CACNG5: variants seen among roughly 807,000 people sequenced by gnomAD.
CACNG5 encodes calcium voltage-gated channel auxiliary subunit gamma 5.
Under a neutral mutation model 24.8 loss-of-function variants are expected in CACNG5, and 18 were observed. The observed-to-expected ratio is 0.73, with a 90% CI of 0.50 to 1.08. CACNG5 has a LOEUF of 1.08. Among genes scored for constraint, CACNG5 ranks in the 50% least tolerant of loss-of-function variants. CACNG5 has a pLI of 0.00. For synonymous variants in CACNG5, 157 were observed against 149.1 expected, an observed-to-expected ratio of 1.05 and a Z score of -0.39; for missense variants, 349 against 367.9, an observed-to-expected ratio of 0.95 and a Z score of 0.42.
rs368984523 is a variant in CACNG5 at position 66,853,712 on chromosome 17, T to A, written c.-104+18462T>A. 1.6e-3 allele frequency among the ~76,000 whole-genome samples: 239 copies of A among 152,286 alleles called. 1 individual carries two copies. Among genetic ancestry groups the A allele is most frequent in the African/African-American group, 5.5e-3 (228 of 41,564 alleles). ...AATTGAAATAAGCACATTATTTCAA[T>A]AAATGCAGAAAAACATATGGTAAAA... On this transcript the variant is annotated intron_variant, in intron 1 of 5. Coordinates refer to ENST00000533854, the MANE Select transcript of CACNG5 (RefSeq NM_145811.3).
At chr17:66,837,485 ATCT>A (rs1344152859) in intron 1 of CACNG5, among the ~76,000 whole-genome samples, 2 of 152,180 alleles carry the variant, frequency 1.3e-5, no homozygotes, top group Non-Finnish European at 2.9e-5. Flanking sequence ...CTGCTCTGTC[ATCT>A]TCTTCTGAGT....
chr17:66,837,329 A>G (rs1042789463), intron 1 of CACNG5, among the ~76,000 whole-genome samples: 4 of 152,280 alleles, frequency 2.6e-5, no homozygotes, highest in Non-Finnish European at 4.4e-5. Flanking sequence ...ATTCCCAAAA[A>G]GTGAGGATGG....
chr17:66,855,793 G>A (rs760546853), intron 1 of CACNG5, among the ~76,000 whole-genome samples: 11 of 152,100 alleles, frequency 7.2e-5, no homozygotes, highest in African/African-American at 9.7e-5. Context: ...CACCGCACCC[G>A]GCCATGCATA....
In CACNG5 at chr17:66,872,242, A is replaced by G. The variant is rs148852944; in HGVS notation, c.-103-4988A>G. The stretch of plus-strand genomic sequence containing the variant: ...TTGCATTCAACTTCATTAATTTACT[A>G]TTATAGTGTAAACATTTTATCTTGT... On this transcript the variant is annotated intron_variant, in intron 1 of 5. Coordinates refer to ENST00000533854, the MANE Select transcript of CACNG5 (RefSeq NM_145811.3). Among the ~76,000 whole-genome samples, 160 of 152,354 alleles carry G rather than the reference A, an allele frequency of 1.1e-3. No homozygotes were observed. In the Middle Eastern group the frequency reaches 0.027, roughly 26 times the overall value.
intron 1 of CACNG5, among the ~76,000 whole-genome samples, chr17:66,856,309 G>A (rs1329904634): frequency 6.6e-6 from 1 of 152,156 alleles, no homozygotes; most frequent in East Asian, 1.9e-4. Flanking sequence ...TTGTTTCAGA[G>A]GTGAAATTTT....
intron 3 of CACNG5, 115 bp from the exon 4 acceptor site, chr17:66,880,442 G>A (rs573370711): frequency 4.6e-6 from 6 of 1,300,528 alleles, no homozygotes; most frequent in Admixed American, 1.9e-5. Context: ...AACCCCTGCA[G>A]GGGTGGGGCT....
chr17:66,839,534 C>T (rs755590834), intron 1 of CACNG5, among the ~76,000 whole-genome samples: 142 of 151,804 alleles, frequency 9.4e-4, no homozygotes, highest in Non-Finnish European at 1.0e-3. Context: ...TTGCCATTTT[C>T]GAAAGGAGCC....
chr17:66,862,440 TGTGTGTGTGTGTGCACATAGGCAC>T lies in CACNG5; in HGVS notation c.-103-14789_-103-14766del, dbSNP rs1976876570. Among the ~76,000 whole-genome samples the T allele has an allele frequency of 3.3e-5, 5 of 151,862 alleles. No homozygotes were observed. In the South Asian group the frequency reaches 1.0e-3, roughly 31 times the overall value. On this transcript the variant is annotated intron_variant, in intron 1 of 5. Transcript: ENST00000533854. ...AGAGAGCTCTCTGTCTCTCTGTATA[TGTGTGTGTGTGTGCACATAGGCAC>T]ATGTGTGTATGCGAAAGTGCACATA...
At chr17:66,862,788 CAT>C (rs772982348) in intron 1 of CACNG5, among the ~76,000 whole-genome samples, 11 of 151,448 alleles carry the variant, frequency 7.3e-5, no homozygotes, top group Non-Finnish European at 7.4e-5. Flanking sequence ...AGAATAATTA[CAT>C]GTTTAATTTT....
rs888393693 is a variant in CACNG5 at position 66,889,575 on chromosome 17, G to T, written c.*4335G>T. 2.6e-5 allele frequency among the ~76,000 whole-genome samples: 4 copies of T among 152,228 alleles called. No individual in the cohort carries two copies. Among genetic ancestry groups the T allele is most frequent in the Non-Finnish European group, 5.9e-5 (4 of 68,026 alleles). ...TTATTTTAAGGAATTAGCTCAAGAA[G>T]TTGTGGAGACTTGGTGAGTACAACC... is the stretch of plus-strand genomic sequence containing the variant. On this transcript the variant is annotated 3_prime_UTR_variant, in exon 6 of 6. Transcript: ENST00000533854.
intron 1 of CACNG5, among the ~76,000 whole-genome samples, chr17:66,871,890 C>G (rs56338381): frequency 0.011 from 1,645 of 152,190 alleles, 23 homozygotes; most frequent in African/African-American, 0.037. Context: ...ACAAAAAACT[C>G]AAGAAGGCTG....
chr17:66,874,419 G>A lies in CACNG5; in HGVS notation c.-103-2811G>A, dbSNP rs115388924. Among the ~76,000 whole-genome samples, 839 of 152,306 alleles carry A rather than the reference G, an allele frequency of 5.5e-3. 7 individuals are homozygous for A. Among genetic ancestry groups the A allele is most frequent in the African/African-American group, 0.019 (797 of 41,568 alleles). On this transcript the variant is annotated intron_variant, in intron 1 of 5. Transcript: ENST00000533854. ...TATTTAGCTCTTGGTTCTGCAGGCT[G>A]AGACGTTCAAGGCCATATCCCTGGC...
At chr17:66,835,401 G>A (rs973057193) in intron 1 of CACNG5, among the ~76,000 whole-genome samples, 151 bp downstream of exon 1, 1 of 152,168 alleles carries the variant, frequency 6.6e-6, no homozygotes, top group Non-Finnish European at 1.5e-5. Flanking sequence ...TAGCGATCGC[G>A]CACCCTGGAA....
chr17:66,874,483 G>A (rs1356106493), intron 1 of CACNG5, among the ~76,000 whole-genome samples: 1 of 152,172 alleles, frequency 6.6e-6, no homozygotes, highest in East Asian at 1.9e-4. Flanking sequence ...CGACAGAGCA[G>A]AGAAGGGCAA....
At chr17:66,859,319 G>C (rs1976825313) in intron 1 of CACNG5, among the ~76,000 whole-genome samples, 1 of 152,160 alleles carries the variant, frequency 6.6e-6, no homozygotes, top group Non-Finnish European at 1.5e-5. Context: ...CCAGCAACCT[G>C]TCTAGTTCCT....
chr17:66,858,690 C>T (rs1216945917), intron 1 of CACNG5, among the ~76,000 whole-genome samples: 3 of 150,124 alleles, frequency 2.0e-5, no homozygotes, highest in African/African-American at 7.4e-5. Context: ...TCCCTCCCCC[C>T]ACCTTCTCAC....
At chr17:66,853,833 C>G (rs1976737881) in intron 1 of CACNG5, among the ~76,000 whole-genome samples, 1 of 152,088 alleles carries the variant, frequency 6.6e-6, no homozygotes, top group African/African-American at 2.4e-5. Flanking sequence ...CAACAAATAT[C>G]ATATGTAACG....
Position 66,888,359 on chromosome 17 carries a change from A to G in CACNG5, c.*3119A>G, listed in dbSNP as rs546792700. Among the ~76,000 whole-genome samples, 1 of 151,678 alleles carries G rather than the reference A, an allele frequency of 6.6e-6. No individual in the cohort carries two copies. Among genetic ancestry groups the G allele is most frequent in the South Asian group, 2.1e-4 (1 of 4,782 alleles). ...GGAGATCGAGACCATCCTGGCTAAC[A>G]TGGTGAAACCCTGTCTCTACTAAAA... On this transcript the variant is annotated 3_prime_UTR_variant, in exon 6 of 6. Transcript: ENST00000533854.
intron 1 of CACNG5, among the ~76,000 whole-genome samples, chr17:66,842,050 T>C (rs1003219541): frequency 2.0e-5 from 3 of 151,526 alleles, no homozygotes; most frequent in Admixed American, 6.6e-5. Flanking sequence ...ACTTTCCCAG[T>C]GAGGTTTAGG....
Sources: gnomAD v4.1 joint callset for allele counts (sites outside exome capture counted in the v4.1 genomes callset) on GRCh38, gnomAD v4.1.1 for gene constraint, MANE v1.5 for transcripts, NCBI Gene and HGNC (gene_info 2026-07-23, HGNC 2026-07-21) for gene names.